NOL3: variants seen among roughly 807,000 people sequenced by gnomAD.
The protein encoded by NOL3 is nucleolar protein 3, also known as muscle-enriched cytoplasmic protein.
NOL3 carries 18 observed loss-of-function variants against 19.2 expected under a neutral mutation model. The observed-to-expected ratio is 0.94, with a 90% CI of 0.65 to 1.39. The LOEUF is 1.39. Among genes scored for constraint, NOL3 ranks in the 40% most tolerant of loss-of-function variants. NOL3 has a pLI of 0.00. For missense variants in NOL3, 290 were observed against 289.5 expected (o/e 1.00, Z -0.01); for synonymous variants, 127 against 137.3 (o/e 0.93, Z 0.52).
exon 2 of NOL3, chr16:67,174,463 G>A: frequency 6.7e-7 from 1 of 1,486,026 alleles, no homozygotes; most frequent in Non-Finnish European, 8.9e-7. Flanking sequence ...ACGTGGGTCC[G>A]GGTGAGCGCG....
At chr16:67,175,414 C>T (rs777144644) in exon 4 of NOL3, 2 of 1,073,166 alleles carry the variant, frequency 1.9e-6, no homozygotes, top group Non-Finnish European at 2.3e-6. Context: ...CCCATTTCCC[C>T]TGGTGAGCCA....
At position 67,174,481 on chromosome 16, in the gene NOL3, G is replaced by A; in HGVS notation, c.295+17G>A. 2 of 1,473,162 alleles carry A rather than the reference G, an allele frequency of 1.4e-6. No homozygotes were observed. Among genetic ancestry groups the A allele is most frequent in the South Asian group, 1.4e-5 (1 of 72,046 alleles). The allele number at this position is 1,473,162 out of a possible 1,614,324, so 91.3% of individuals were successfully genotyped here. ...TGGGTCCGGGTGAGCGCGCGGGGCG[G>A]GGCCTAGGGCAGAGCAGGGACGGGG... On this transcript the variant is annotated intron_variant, in intron 2 of 3. Transcript: ENST00000268605.
At chr16:67,172,440 G>A (rs575879060) in intron 1 of NOL3, among the ~76,000 whole-genome samples, 5 of 151,742 alleles carry the variant, frequency 3.3e-5, no homozygotes, top group Admixed American at 6.6e-5. Context: ...GTGAAACCCC[G>A]TCTCAACTAA....
At chr16:67,174,515 G>C in intron 2 of NOL3, 51 bp downstream of exon 2, 1 of 1,467,574 alleles carries the variant, frequency 6.8e-7, no homozygotes, top group Non-Finnish European at 9.0e-7. Context: ...GGCTGGGGCA[G>C]ACAAAAGGCC....
chr16:67,175,104 G>A lies in NOL3; in HGVS notation c.*50G>A, dbSNP rs2233460. 5.9e-4 allele frequency: 950 copies of A among 1,614,146 alleles called. 11 individuals carry two copies. The African/African-American group carries it at 0.012, about 20-fold the overall frequency. On this transcript the variant is annotated 3_prime_UTR_variant, in exon 4 of 4. Coordinates refer to ENST00000268605, the Ensembl canonical transcript of NOL3. ...CCCCGCCCATGCTGGATAGGACCTGGGATGCTGCTGGAGCTGAATCGGATG... is the reference window on the plus strand; with the variant it reads ...CCCCGCCCATGCTGGATAGGACCTGAGATGCTGCTGGAGCTGAATCGGATG...
At position 67,170,933 on chromosome 16, in the gene NOL3, C is replaced by T. The variant is rs2031713612; in HGVS notation, c.-9+359C>T. Among the ~76,000 whole-genome samples the T allele has an allele frequency of 1.3e-5, 2 of 152,252 alleles. No individual in the cohort carries two copies. Reference sequence around the variant, plus strand: ...ACCTGGCTCTCTGGGAAGAATCGGACCTGTCACCCTCGAAGGACTGGCCGC... The same window carrying T: ...ACCTGGCTCTCTGGGAAGAATCGGATCTGTCACCCTCGAAGGACTGGCCGC... On this transcript the variant is annotated intron_variant, in intron 1 of 3. Coordinates refer to ENST00000268605, the Ensembl canonical transcript of NOL3. The surrounding 1 kb of genome is among the most constrained non-coding windows in gnomAD (Gnocchi z 5.7).
At position 67,173,903 on chromosome 16, in the gene NOL3, G is replaced by C. The variant is rs1425942159; in HGVS notation, c.-8-259G>C. The C allele has an allele frequency of 3.9e-6, 6 of 1,536,000 alleles. No homozygotes were observed. The Admixed American group carries it at 1.2e-4, about 30-fold the overall frequency. On this transcript the variant is annotated intron_variant, in intron 1 of 3. Transcript: ENST00000268605. The stretch of plus-strand genomic sequence containing the variant: ...CTGGGAAAGGCAGGGGAGGAGAGGA[G>C]AGCCACGGCTGACGCTTGGGGACAG...
At position 67,170,695 on chromosome 16, in the gene NOL3, G is replaced by C. The variant is rs1205695081; in HGVS notation, c.-9+121G>C. ...CACCCGCTGCGGCGCTCGGGGGTCGGGGGGGCGGGGTGGGTAGGACTGTGG... is the reference window on the plus strand; with the variant it reads ...CACCCGCTGCGGCGCTCGGGGGTCGCGGGGGCGGGGTGGGTAGGACTGTGG... On this transcript the variant is annotated intron_variant, in intron 1 of 3. Transcript: ENST00000268605. The surrounding 1 kb of genome is among the most constrained non-coding windows in gnomAD (Gnocchi z 5.7). 6.6e-6 allele frequency: 1 copy of C among 152,100 alleles called. No individual in the cohort carries two copies. The highest frequency in any genetic ancestry group is 1.5e-5 in the Non-Finnish European group (1 of 68,014). The allele number at this position is 152,100 out of a possible 1,614,324, so 9.4% of individuals were successfully genotyped here. A position where few individuals can be genotyped will look rare whatever the true frequency, so the allele number is the denominator to read the frequency against.
At position 67,174,774 on chromosome 16, in the gene NOL3, CG is replaced by C. The variant is rs2145957873; in HGVS notation, c.451del (p.Glu151ArgfsTer73). On this transcript the variant is annotated frameshift_variant, in exon 3 of 4. Transcript: ENST00000268605. LOFTEE classifies it high-confidence loss of function. ...TCCGAGGCGGTGCAATCCGGGACCC[CG>C]GAGGAGCCAGAGCCAGAGCTGGAAG... The C allele has an allele frequency of 1.2e-6, 2 of 1,607,926 alleles. No homozygotes were observed. Among genetic ancestry groups the C allele is most frequent in the East Asian group, 2.2e-5 (1 of 44,664 alleles).
chr16:67,174,396 T>A lies in NOL3; in HGVS notation c.227T>A (p.Leu76Gln), dbSNP rs1304391083. The A allele has an allele frequency of 2.6e-6, 4 of 1,552,578 alleles. No individual in the cohort carries two copies. The Admixed American group carries it at 5.7e-5, about 22-fold the overall frequency. Reference sequence around the variant, plus strand: ...AAGGGCGAGGCCGCCTGCCAGGAGCTGCTACGCTGTGCCCAGCGTACCGCG... The same window carrying A: ...AAGGGCGAGGCCGCCTGCCAGGAGCAGCTACGCTGTGCCCAGCGTACCGCG... Residue 76 changes from leucine (L) to glutamine (Q), a missense_variant, in exon 2 of 4, where the codon CTG (leucine) becomes CAG (glutamine). By Grantham distance (113) the Leu-to-Gln change is moderately radical. Transcript: ENST00000268605.
exon 3 of NOL3, chr16:67,174,778 G>T (rs1238274807): frequency 6.2e-7 from 1 of 1,607,868 alleles, no homozygotes; most frequent in African/African-American, 1.3e-5. Flanking sequence ...GGACCCCGGA[G>T]GAGCCAGAGC....
exon 2 of NOL3, chr16:67,174,318 C>T (rs570064361): frequency 6.2e-7 from 1 of 1,606,860 alleles, no homozygotes; most frequent in South Asian, 1.1e-5. Flanking sequence ...GCATTGGATG[C>T]ACTGCCTGAT....
chr16:67,173,199 G>A (rs1454211150), intron 1 of NOL3, among the ~76,000 whole-genome samples: 2 of 152,110 alleles, frequency 1.3e-5, no homozygotes, highest in Non-Finnish European at 2.9e-5. Context: ...CTAGGCCTTG[G>A]GTACTTCAAG....
intron 1 of NOL3, chr16:67,173,764 T>A: frequency 9.4e-7 from 1 of 1,065,014 alleles, no homozygotes; most frequent in South Asian, 1.6e-5. Context: ...GGAAGCAGAT[T>A]TGAGAGAAAG....
chr16:67,174,598 A>C (rs1399311999), intron 2 of NOL3, 23 bp from the exon 3 acceptor site: 6 of 1,520,222 alleles, frequency 3.9e-6, no homozygotes, highest in African/African-American at 1.4e-5. Flanking sequence ...ATTGAGCCTC[A>C]GTCACTCCCA....
chr16:67,173,801 A>T (rs1225458161), intron 1 of NOL3: 1 of 1,434,640 alleles, frequency 7.0e-7, no homozygotes, highest in African/African-American at 1.4e-5. Flanking sequence ...ACGGGGTCTG[A>T]ACTCGCCTCG....
chr16:67,175,289 G>A (rs975972360), exon 4 of NOL3: 1 of 1,424,906 alleles, frequency 7.0e-7, no homozygotes, highest in African/African-American at 1.4e-5. Flanking sequence ...CCCACCACGA[G>A]CATCATCCAG....
At chr16:67,173,745 G>C in intron 1 of NOL3, 1 of 873,678 alleles carries the variant, frequency 1.1e-6, no homozygotes, top group Non-Finnish European at 1.7e-6. Flanking sequence ...TTTCTGCCTG[G>C]TTAGGTGGGG....
intron 1 of NOL3, among the ~76,000 whole-genome samples, chr16:67,173,181 T>C (rs1012932866): frequency 2.6e-5 from 4 of 151,922 alleles, no homozygotes; most frequent in African/African-American, 9.7e-5. Context: ...GTCGGTATCC[T>C]GTATGAGCTA....
Sources: gnomAD v4.1 joint callset for allele counts (sites outside exome capture counted in the v4.1 genomes callset) on GRCh38, gnomAD v4.1.1 for gene constraint, Gnocchi (gnomAD v3.1) non-coding constraint, MANE v1.5 for transcripts, NCBI Gene and HGNC (gene_info 2026-07-23, HGNC 2026-07-21) for gene names.